Variants in CCDC171 observed in about 807,000 individuals in gnomAD.
The protein encoded by CCDC171 is coiled-coil domain containing 171, also known as coiled-coil domain-containing protein 171.
In CCDC171, 177 loss-of-function variants were observed where a neutral mutation model predicts 168.2. The observed-to-expected ratio is 1.05, with a 90% CI of 0.93 to 1.19. CCDC171 has a LOEUF of 1.19. CCDC171 is among the 50% of genes most tolerant of loss of function. The probability of loss-of-function intolerance (pLI) is 0.00; values close to 1 mark genes in which losing one functional copy is unlikely to be tolerated. For synonymous variants in CCDC171, 687 were observed against 540.8 expected (o/e 1.27, Z -3.75); for missense variants, 1,991 against 1,539.0 (o/e 1.29, Z -4.91).
At chr9:16,101,520 G>T in the CCDC171 span, among the ~76,000 whole-genome samples, 1 of 152,182 alleles carries the variant, frequency 6.6e-6, no homozygotes, top group South Asian at 2.1e-4. Flanking sequence ...CATGGCAAAA[G>T]GGATTTTTGC....
chr9:16,036,382 C>T (rs1444846463), intron 8 of CCDC171, among the ~76,000 whole-genome samples: 7 of 152,214 alleles, frequency 4.6e-5, no homozygotes, highest in African/African-American at 1.7e-4. Flanking sequence ...CGGTGGCTCA[C>T]GCCTGTAATC....
chr9:16,102,603 A>G, the CCDC171 span, among the ~76,000 whole-genome samples: 16 of 152,310 alleles, frequency 1.1e-4, no homozygotes, highest in Non-Finnish European at 1.6e-4. Flanking sequence ...GATCATGTAA[A>G]TAAGCCCTCA....
At chr9:15,679,783 A>C (rs1370050398) in intron 10 of CCDC171, among the ~76,000 whole-genome samples, 6 of 152,190 alleles carry the variant, frequency 3.9e-5, no homozygotes, top group African/African-American at 1.4e-4. Context: ...AAGTGGCCTC[A>C]AGTGGTCCTC....
At chr9:15,689,762 A>G (rs796923716) in intron 10 of CCDC171, among the ~76,000 whole-genome samples, 5 of 152,306 alleles carry the variant, frequency 3.3e-5, no homozygotes, top group African/African-American at 1.2e-4. Context: ...AGAAAGAACC[A>G]TAAAGTTGGA....
chr9:15,856,648 A>G (rs1486379592), intron 23 of CCDC171, among the ~76,000 whole-genome samples: 1 of 152,056 alleles, frequency 6.6e-6, no homozygotes, highest in Non-Finnish European at 1.5e-5. Flanking sequence ...GCTATTATAA[A>G]TAGTACTGAA....
upstream of CCDC171, among the ~76,000 whole-genome samples, chr9:16,041,593 A>G (rs1269885943): frequency 6.6e-6 from 1 of 152,146 alleles, no homozygotes; most frequent in Non-Finnish European, 1.5e-5. Flanking sequence ...AAATGTTATT[A>G]TTTTTTCTTT....
At chr9:16,055,120 C>T (rs1162671573) in intron 1 of CCDC171, among the ~76,000 whole-genome samples, 1 of 152,098 alleles carries the variant, frequency 6.6e-6, no homozygotes, top group Non-Finnish European at 1.5e-5. Context: ...CAAAGGAGGA[C>T]CTCAGATTTT....
At chr9:15,965,569 T>C (rs533645153) in intron 25 of CCDC171, among the ~76,000 whole-genome samples, 22 of 152,352 alleles carry the variant, frequency 1.4e-4, no homozygotes, top group African/African-American at 5.3e-4. Flanking sequence ...TGAGTCACTG[T>C]GAGAATTCAG....
chr9:16,003,443 G>A (rs3008731), intron 3 of CCDC171, among the ~76,000 whole-genome samples: 66,943 of 151,998 alleles, frequency 0.44, 16,369 homozygotes, highest in East Asian at 0.81. Flanking sequence ...AGAAGTTAGA[G>A]AAACAGCAAA....
chr9:15,954,833 T>C (rs1177910637), intron 25 of CCDC171, among the ~76,000 whole-genome samples: 3 of 152,130 alleles, frequency 2.0e-5, no homozygotes, highest in Non-Finnish European at 4.4e-5. Flanking sequence ...GACATTGTTT[T>C]CTTGATTTTC....
At position 15,774,682 on chromosome 9, in the gene CCDC171, A is replaced by G. The variant is rs544453302; in HGVS notation, c.2672-2918A>G. 3.0e-4 allele frequency among the ~76,000 whole-genome samples: 46 copies of G among 152,366 alleles called. No homozygotes were observed. The South Asian group carries it at 8.5e-3, about 28-fold the overall frequency. On this transcript the variant is annotated intron_variant, in intron 18 of 25. Transcript: ENST00000380701. ...CATGTTGATAGCAGTACAATTTGCAATTGCAAAAGTGCGGAACCAGCTCAG... is the reference window on the plus strand; with the variant it reads ...CATGTTGATAGCAGTACAATTTGCAGTTGCAAAAGTGCGGAACCAGCTCAG...
intron 21 of CCDC171, among the ~76,000 whole-genome samples, chr9:15,789,488 CA>C (rs1417328538): frequency 2.6e-5 from 4 of 152,102 alleles, no homozygotes; most frequent in Non-Finnish European, 1.5e-5. Context: ...TTGTTTTAAG[CA>C]AAAGCTAAGG....
chr9:16,010,060 A>G (rs749471476), intron 3 of CCDC171, among the ~76,000 whole-genome samples: 3 of 152,226 alleles, frequency 2.0e-5, no homozygotes, highest in African/African-American at 7.2e-5. Context: ...TTACATCCCA[A>G]GTGCCTCAAC....
intron 22 of CCDC171, 70 bp downstream of exon 22, chr9:15,846,917 G>T (rs1199699367): frequency 7.1e-7 from 1 of 1,402,882 alleles, no homozygotes; most frequent in Non-Finnish European, 9.7e-7. Flanking sequence ...CATGCTCCGG[G>T]TTTTAGCCCT....
In CCDC171 at chr9:15,657,164, T is replaced by C. The variant is rs2048001424; in HGVS notation, c.860T>C (p.Ile287Thr). The change falls in exon 8 of 26, where the codon ATT (isoleucine) becomes ACT (threonine). Residue 287 changes from isoleucine (I) to threonine (T), a missense_variant. Ile to Thr is a moderately conservative substitution (Grantham distance 89). Coordinates refer to ENST00000380701, the MANE Select transcript of CCDC171 (RefSeq NM_173550.4). ...AGAGTGAGGAAATTAGAAGAAAACA[T>C]TGAAGCAGAAAGAGCAGCGCATTTG... Reference protein sequence around the residue: ...TLRVRKLEENIEAERAAHLES... With the variant: ...TLRVRKLEENTEAERAAHLES... The C allele has an allele frequency of 6.2e-7, 1 of 1,611,144 alleles. No homozygotes were observed. Among genetic ancestry groups the C allele is most frequent in the Non-Finnish European group, 8.5e-7 (1 of 1,178,386 alleles).
Position 16,033,903 on chromosome 9 carries a change from G to T in CCDC171, n.999-1554G>T, listed in dbSNP as rs1427234505. Among the ~76,000 whole-genome samples, 5 of 152,206 alleles carry T rather than the reference G, an allele frequency of 3.3e-5. No individual in the cohort carries two copies. In the South Asian group the frequency reaches 8.3e-4, roughly 25 times the overall value. On this transcript the variant is annotated intron_variant and non_coding_transcript_variant, in intron 6 of 9. Coordinates refer to the CCDC171 transcript ENST00000486641. Reference sequence around the variant, plus strand: ...CCAAGGGCAGGTGTGCCTCCTGGTTGTCAGTGGTGCCCACACAGGGAGCTC... The same window carrying T: ...CCAAGGGCAGGTGTGCCTCCTGGTTTTCAGTGGTGCCCACACAGGGAGCTC...
chr9:16,014,785 C>T (rs576578914), intron 3 of CCDC171, among the ~76,000 whole-genome samples: 1 of 152,038 alleles, frequency 6.6e-6, no homozygotes, highest in Non-Finnish European at 1.5e-5. Context: ...CAATAGTTAT[C>T]AACAATAGGC....
chr9:15,888,826 A>C (rs1819786915), intron 24 of CCDC171, among the ~76,000 whole-genome samples: 1 of 152,018 alleles, frequency 6.6e-6, no homozygotes, highest in African/African-American at 2.4e-5. Flanking sequence ...GCAAAACCTG[A>C]CCTGCCCTAA....
downstream of CCDC171, among the ~76,000 whole-genome samples, chr9:16,063,518 G>A (rs73645251): frequency 8.4e-4 from 128 of 152,250 alleles, 1 homozygote; most frequent in African/African-American, 3.0e-3. Flanking sequence ...TGAAGTTGGG[G>A]GGTTTTAGTA....
Sources: allele counts gnomAD v4.1 joint callset (sites outside exome capture counted in the v4.1 genomes callset), GRCh38; gene constraint gnomAD v4.1.1; transcripts MANE v1.5; gene names NCBI Gene and HGNC (gene_info 2026-07-23, HGNC 2026-07-21).